Variants in CADPS2 observed in about 807,000 individuals in gnomAD.
CADPS2 encodes calcium dependent secretion activator 2.
CADPS2 carries 93 observed loss-of-function variants against 172.5 expected under a neutral mutation model. The observed-to-expected ratio is 0.54, with a 90% confidence interval of 0.46 to 0.64. CADPS2 has a LOEUF of 0.64. Among genes scored for constraint, CADPS2 ranks in the 30% least tolerant of loss-of-function variants. The probability of loss-of-function intolerance (pLI) is 0.00; values close to 1 mark genes in which losing one functional copy is unlikely to be tolerated. For missense variants in CADPS2, 1,420 were observed against 1,565.9 expected (o/e 0.91, Z 1.57); for synonymous variants, 546 against 555.2 (o/e 0.98, Z 0.23).
chr7:122,732,913 ATATTATG>A (rs1397543618), intron 2 of CADPS2, among the ~76,000 whole-genome samples: 10 of 146,498 alleles, frequency 6.8e-5, no homozygotes, highest in Non-Finnish European at 1.5e-4. Context: ...TATACATTAT[ATATTATG>A]TATAATACAT....
chr7:122,405,732 G>A (rs1269892139), intron 20 of CADPS2, among the ~76,000 whole-genome samples: 1 of 152,144 alleles, frequency 6.6e-6, no homozygotes, highest in Non-Finnish European at 1.5e-5. Context: ...ATTGCATGTG[G>A]TTTTATTAAC....
chr7:122,530,304 G>A (rs1169206807), intron 8 of CADPS2, among the ~76,000 whole-genome samples: 4 of 148,408 alleles, frequency 2.7e-5, no homozygotes, highest in Admixed American at 6.7e-5. Flanking sequence ...TTCCACTTAG[G>A]CTTAAGTTAG....
At chr7:122,369,352 C>T (rs1009349737) in intron 25 of CADPS2, among the ~76,000 whole-genome samples, 5 of 151,924 alleles carry the variant, frequency 3.3e-5, no homozygotes, top group Admixed American at 2.6e-4. Flanking sequence ...AGGATGGTCT[C>T]GATCTCCTGA....
At chr7:122,758,179 A>G (rs2093242322) in intron 1 of CADPS2, among the ~76,000 whole-genome samples, 2 of 152,182 alleles carry the variant, frequency 1.3e-5, no homozygotes, top group Admixed American at 6.5e-5. Context: ...TCCCATGCCC[A>G]TGAAATTATA....
intron 2 of CADPS2, among the ~76,000 whole-genome samples, chr7:122,664,064 C>CAAAAAAA (rs541690772): frequency 1.2e-5 from 1 of 84,880 alleles, no homozygotes; most frequent in Non-Finnish European, 2.2e-5. Context: ...TGTTTATAAG[C>CAAAAAAA]AAAAAAAAAA....
intron 1 of CADPS2, among the ~76,000 whole-genome samples, chr7:122,787,040 A>T (rs1794205658): frequency 6.6e-6 from 1 of 152,180 alleles, no homozygotes; most frequent in South Asian, 2.1e-4. Context: ...AGTATGCAGG[A>T]CTGTTTGGAA....
intron 9 of CADPS2, among the ~76,000 whole-genome samples, chr7:122,500,876 T>C (rs1294217011): frequency 6.6e-6 from 1 of 152,072 alleles, no homozygotes; most frequent in Non-Finnish European, 1.5e-5. Flanking sequence ...AGCAAAAATA[T>C]TGGAAGGTAT....
chr7:122,698,860 T>A, intron 2 of CADPS2: 1 of 1,612,004 alleles, frequency 6.2e-7, no homozygotes, highest in Non-Finnish European at 8.5e-7. Context: ...AACACTGAAC[T>A]TCATAAGCCA....
chr7:122,670,979 T>C (rs2081779350), intron 2 of CADPS2, among the ~76,000 whole-genome samples: 3 of 152,044 alleles, frequency 2.0e-5, no homozygotes, highest in Non-Finnish European at 4.4e-5. Flanking sequence ...AACCTCCCAT[T>C]GTCTACCTCA....
chr7:122,708,965 G>C lies in CADPS2; in HGVS notation c.453+27990C>G, dbSNP rs567633712. On this transcript the variant is annotated intron_variant, in intron 2 of 29. Transcript: ENST00000449022. ...TAGTATAATTATTATCTTTGAGCTC[G>C]GAACAAAATGTATCTTCATATTAAC... is the stretch of plus-strand genomic sequence containing the variant. Among the ~76,000 whole-genome samples, 43 of 151,958 alleles carry C rather than the reference G, an allele frequency of 2.8e-4. 1 individual carries two copies. The highest frequency in any genetic ancestry group is 7.4e-5 in the Non-Finnish European group (5 of 67,942).
At chr7:122,645,514 T>TTATATATATAAGTA (rs2078379140) in intron 3 of CADPS2, among the ~76,000 whole-genome samples, 2 of 112,196 alleles carry the variant, frequency 1.8e-5, no homozygotes, top group Non-Finnish European at 3.7e-5. Flanking sequence ...ATATATATAC[T>TTATATATATAAGTA]TATATATATA....
intron 8 of CADPS2, among the ~76,000 whole-genome samples, chr7:122,524,633 G>A (rs552817308): frequency 6.6e-6 from 1 of 152,110 alleles, no homozygotes; most frequent in Non-Finnish European, 1.5e-5. Flanking sequence ...AGTGTATGTG[G>A]TATCTCCAAA....
rs13438501 is a variant in CADPS2 at position 122,379,319 on chromosome 7, T to C, written c.3387+49A>G. 8.1e-3 allele frequency: 9,629 copies of C among 1,181,776 alleles called. 473 individuals carry two copies. In the African/African-American group the frequency reaches 0.12, roughly 14 times the overall value. 73.2% of individuals were successfully genotyped at this position (1,181,776 alleles called of 1,614,324 possible). A position where few individuals can be genotyped will look rare whatever the true frequency, so the allele number is the denominator to read the frequency against. The stretch of plus-strand genomic sequence containing the variant: ...TTTAAAAACATTAAAAAATTCTCCA[T>C]TGACAATTTTTCACTTTGATTTAAA... On this transcript the variant is annotated intron_variant, in intron 25 of 29. Coordinates refer to ENST00000449022, the MANE Select transcript of CADPS2 (RefSeq NM_017954.11).
intron 1 of CADPS2, among the ~76,000 whole-genome samples, chr7:122,836,535 A>G (rs1808486240): frequency 6.6e-6 from 1 of 152,210 alleles, no homozygotes; most frequent in South Asian, 2.1e-4. Flanking sequence ...CAGGAGACAC[A>G]TCTCACGTGC....
At chr7:122,809,083 T>C (rs990671814) in intron 1 of CADPS2, among the ~76,000 whole-genome samples, 5 of 152,188 alleles carry the variant, frequency 3.3e-5, no homozygotes, top group Non-Finnish European at 7.3e-5. Flanking sequence ...TAGTAACTCA[T>C]TATGCTTCAT....
intron 25 of CADPS2, chr7:122,369,883 T>C (rs1166517480): frequency 1.3e-5 from 2 of 152,252 alleles, no homozygotes; most frequent in African/African-American, 2.4e-5. Flanking sequence ...GGCAGTCAGA[T>C]GAATCTTCTT....
chr7:122,502,857 T>C, intron 9 of CADPS2, among the ~76,000 whole-genome samples: 1 of 151,650 alleles, frequency 6.6e-6, no homozygotes, highest in Non-Finnish European at 1.5e-5. Context: ...TGTATTTTTT[T>C]CTTTTTTTGA....
rs542770188 is a variant in CADPS2, at chr7:122,869,283, A to G, written c.339+16716T>C. Reference sequence around the variant, plus strand: ...CAAATTGTTATAAATAAGTTAAAATATTGTTTCTAAAGTGAAAACAAAGAG... The same window carrying G: ...CAAATTGTTATAAATAAGTTAAAATGTTGTTTCTAAAGTGAAAACAAAGAG... On this transcript the variant is annotated intron_variant, in intron 1 of 29. Transcript: ENST00000449022. 6.6e-5 allele frequency among the ~76,000 whole-genome samples: 10 copies of G among 152,212 alleles called. No homozygotes were observed. In the South Asian group the frequency reaches 2.1e-3, roughly 32 times the overall value.
chr7:122,695,480 A>G (rs546899517), intron 2 of CADPS2, among the ~76,000 whole-genome samples: 3 of 152,362 alleles, frequency 2.0e-5, no homozygotes, highest in South Asian at 2.1e-4. Flanking sequence ...GTAAACCCAG[A>G]GTAAAAGGGG....
Sources: allele counts gnomAD v4.1 joint callset (sites outside exome capture counted in the v4.1 genomes callset), GRCh38; gene constraint gnomAD v4.1.1; transcripts MANE v1.5; gene names NCBI Gene and HGNC (gene_info 2026-07-23, HGNC 2026-07-21).